COL4A5: variants seen among roughly 807,000 people sequenced by gnomAD.
The protein encoded by COL4A5 is collagen type IV alpha 5 chain, also known as collagen alpha-5(IV) chain.
Under a neutral mutation model 130.2 loss-of-function variants are expected in COL4A5, and 26 were observed. The observed-to-expected ratio is 0.20, with a 90% CI of 0.15 to 0.28. The LOEUF (loss-of-function observed/expected upper bound fraction) is 0.28. COL4A5 is among the 10% of genes least tolerant of loss of function. COL4A5 has a pLI of 1.00. For missense variants in COL4A5, 1,131 were observed against 1,344.3 expected (o/e 0.84, Z 2.48); for synonymous variants, 496 against 439.6 (o/e 1.13, Z -1.60).
chrX:108,547,834 G>A (rs749334971), intron 2 of COL4A5, among the ~76,000 whole-genome samples: 3 of 111,775 alleles, frequency 2.7e-5, no homozygotes, highest in African/African-American at 9.8e-5. Context: ...CAGCCTTGCT[G>A]CCACCTTGCA....
chrX:108,644,948 A>C (rs993659402), intron 36 of COL4A5, among the ~76,000 whole-genome samples: 28 of 109,754 alleles, frequency 2.6e-4, no homozygotes, highest in African/African-American at 8.9e-4. Flanking sequence ...GAAAGCAAAG[A>C]AAAGAAACAT....
intron 30 of COL4A5, among the ~76,000 whole-genome samples, chrX:108,616,478 C>G (rs947994723): frequency 9.0e-6 from 1 of 110,973 alleles, no homozygotes. Context: ...TCAGGTGATT[C>G]GCCCGCCTCG....
chrX:108,494,289 A>G (rs2065016597), intron 1 of COL4A5, among the ~76,000 whole-genome samples: 1 of 111,079 alleles, frequency 9.0e-6, no homozygotes, highest in East Asian at 2.8e-4. Context: ...TGACACATGG[A>G]TTTTCTTGTA....
chrX:108,651,524 A>G (rs896355264), intron 36 of COL4A5, among the ~76,000 whole-genome samples: 10 of 111,744 alleles, frequency 8.9e-5, no homozygotes, highest in Non-Finnish European at 1.9e-4. Flanking sequence ...CTTTGGGCAC[A>G]TTTTAAGTAA....
chrX:108,625,691 T>G lies in COL4A5; in HGVS notation c.3017-14T>G. 1 of 1,129,421 alleles carries G rather than the reference T, an allele frequency of 8.9e-7. No individual in the cohort carries two copies. Among genetic ancestry groups the G allele is most frequent in the South Asian group, 1.8e-5 (1 of 54,908 alleles). The allele number at this position is 1,129,421 out of a possible 1,213,427, so 93.1% of individuals were successfully genotyped here. On this transcript the variant is annotated splice_polypyrimidine_tract_variant and intron_variant, in intron 34 of 52. Transcript: ENST00000328300. ...TGCTACATTGTCTTAATTTTACCAATTTGACCTTTCTAGGTCCCAAAGGTA... is the reference window on the plus strand; with the variant it reads ...TGCTACATTGTCTTAATTTTACCAAGTTGACCTTTCTAGGTCCCAAAGGTA...
intron 6 of COL4A5, among the ~76,000 whole-genome samples, chrX:108,569,674 T>C (rs1199255401): frequency 9.1e-6 from 1 of 110,178 alleles, no homozygotes; most frequent in Non-Finnish European, 1.9e-5. Flanking sequence ...TTTGTTTTTG[T>C]TTGTTTTTTG....
At chrX:108,477,593 C>T (rs1473417697) in intron 1 of COL4A5, among the ~76,000 whole-genome samples, 1 of 110,367 alleles carries the variant, frequency 9.1e-6, no homozygotes, top group Non-Finnish European at 1.9e-5. Flanking sequence ...GTGGGTGGAT[C>T]ACCTGAGGTC....
chrX:108,632,265 C>A (rs755573187), intron 36 of COL4A5, among the ~76,000 whole-genome samples: 1 of 110,652 alleles, frequency 9.0e-6, no homozygotes, highest in Admixed American at 9.6e-5. Context: ...TAGACTCCCC[C>A]CAAGACTAAA....
At chrX:108,549,742 A>G (rs930884598) in intron 2 of COL4A5, among the ~76,000 whole-genome samples, 5 of 111,587 alleles carry the variant, frequency 4.5e-5, no homozygotes, top group Non-Finnish European at 9.4e-5. Context: ...GTAACAATAT[A>G]TTAACTACAA....
intron 1 of COL4A5, chrX:108,462,321 A>G (rs2064661438): frequency 8.9e-6 from 1 of 112,319 alleles, no homozygotes; most frequent in Admixed American, 9.4e-5. Context: ...ATTTTAAAAT[A>G]TTTAATATTA....
intron 31 of COL4A5, among the ~76,000 whole-genome samples, chrX:108,621,482 T>C (rs1320359488): frequency 9.0e-6 from 1 of 110,791 alleles, no homozygotes; most frequent in Non-Finnish European, 1.9e-5. Flanking sequence ...CTTCTTTTGA[T>C]CTAGGCTTGG....
rs745768731 is a variant in COL4A5, at chrX:108,641,397, G to A, written c.3247-13934G>A. Among the ~76,000 whole-genome samples, 6 of 111,674 alleles carry A rather than the reference G, an allele frequency of 5.4e-5. No individual in the cohort carries two copies. The South Asian group carries it at 1.9e-3, about 35-fold the overall frequency. The stretch of plus-strand genomic sequence containing the variant: ...TCATGGTGGACGGGAGACAGGACTG[G>A]ATTACAGCTCCAACTCGGACAGACA... On this transcript the variant is annotated intron_variant, in intron 36 of 52. Coordinates refer to ENST00000328300, the MANE Select transcript of COL4A5 (RefSeq NM_033380.3).
At chrX:108,690,471 C>A (rs1300637288) in intron 49 of COL4A5, among the ~76,000 whole-genome samples, 2 of 111,971 alleles carry the variant, frequency 1.8e-5, no homozygotes, top group Non-Finnish European at 1.9e-5. Context: ...GGTCTTTTAT[C>A]AGTCATCTTC....
intron 1 of COL4A5, among the ~76,000 whole-genome samples, chrX:108,504,206 C>T (rs147312893): frequency 0.015 from 1,641 of 111,376 alleles, 26 homozygotes; most frequent in African/African-American, 0.051. Flanking sequence ...GAAACTGGAT[C>T]CTTAAGTCTC....
intron 36 of COL4A5, chrX:108,626,801 C>A (rs1423870104): frequency 2.5e-6 from 2 of 785,080 alleles, no homozygotes; most frequent in East Asian, 2.4e-4. Context: ...ATTCCCTCTA[C>A]TTCTCTCTTC....
At chrX:108,469,696 T>G (rs1276110006) in intron 1 of COL4A5, among the ~76,000 whole-genome samples, 1 of 111,923 alleles carries the variant, frequency 8.9e-6, no homozygotes, top group Non-Finnish European at 1.9e-5. Context: ...TTTCAAATTT[T>G]ATTTTCATTT....
chrX:108,586,705 T>C lies in COL4A5; in HGVS notation c.1123T>C (p.Phe375Leu), dbSNP rs751548522. Residue 375 changes from phenylalanine to leucine, a missense_variant, in exon 19 of 53, where the codon TTT becomes CTT. Transcript: ENST00000328300. ...GCCTGGAGAAAAAGGAGAGCGAGGA[T>C]TTCCTGGAATACAGGGTCCACCTGG... ...GLPGEKGERG[F>L]PGIQGPPGLP... 2.5e-6 allele frequency: 3 copies of C among 1,209,965 alleles called. No homozygotes were observed. Among genetic ancestry groups the C allele is most frequent in the Non-Finnish European group, 2.2e-6 (2 of 894,267 alleles).
At chrX:108,629,301 G>T (rs1031858293) in intron 36 of COL4A5, among the ~76,000 whole-genome samples, 4 of 111,628 alleles carry the variant, frequency 3.6e-5, no homozygotes, top group African/African-American at 1.3e-4. Context: ...GAGTTAACAT[G>T]ATTGTACATT....
At position 108,564,025 on chromosome X, in the gene COL4A5, G is replaced by A. The variant is rs1051516832; in HGVS notation, c.276+99G>A. On this transcript the variant is annotated intron_variant, in intron 4 of 52. Coordinates refer to ENST00000328300, the MANE Select transcript of COL4A5 (RefSeq NM_033380.3). ...CAATTGGAAAAGACCCATATTAAAA[G>A]CCAAGAAGATAAATACAGTCTTCAA... is the stretch of plus-strand genomic sequence containing the variant. 50 of 770,023 alleles carry A rather than the reference G, an allele frequency of 6.5e-5. No homozygotes were observed. The African/African-American group carries it at 9.4e-4, about 15-fold the overall frequency. 63.5% of individuals were successfully genotyped at this position (770,023 alleles called of 1,213,427 possible). A position where few individuals can be genotyped will look rare whatever the true frequency, so the allele number is the denominator to read the frequency against.
Sources: gnomAD v4.1 joint callset for allele counts (sites outside exome capture counted in the v4.1 genomes callset) on GRCh38, gnomAD v4.1.1 for gene constraint, MANE v1.5 for transcripts, NCBI Gene and HGNC (gene_info 2026-07-23, HGNC 2026-07-21) for gene names.